The following EYS variants were observed in gnomAD, a reference collection of about 807,000 sequenced individuals.
EYS encodes EGF-like photoreceptor maintenance factor.
Under a neutral mutation model 282.1 loss-of-function variants are expected in EYS, and 250 were observed. The observed-to-expected ratio is 0.89, with a 90% CI of 0.80 to 0.98. The LOEUF is 0.98. EYS is among the 50% of genes least tolerant of loss of function. The probability of loss-of-function intolerance (pLI) is 0.00; values close to 1 mark genes in which losing one functional copy is unlikely to be tolerated. For synonymous variants in EYS, 1,355 were observed against 1,282.9 expected (o/e 1.06, Z -1.20); for missense variants, 4,016 against 3,709.0 (o/e 1.08, Z -2.15).
chr6:63,793,527 G>A (rs56299797), intron 37 of EYS, among the ~76,000 whole-genome samples: 4,704 of 152,294 alleles, frequency 0.031, 99 homozygotes, highest in Middle Eastern at 0.058. Flanking sequence ...ATATAAAAAT[G>A]AATGGTAAAT....
chr6:64,234,774 T>C (rs1766530590), intron 30 of EYS, among the ~76,000 whole-genome samples: 1 of 152,194 alleles, frequency 6.6e-6, no homozygotes, highest in South Asian at 2.1e-4. Flanking sequence ...TTTAGACCTT[T>C]CATATAAATA....
At chr6:65,571,727 GT>G (rs1764483248) in intron 2 of EYS, among the ~76,000 whole-genome samples, 1 of 151,928 alleles carries the variant, frequency 6.6e-6, no homozygotes, top group Admixed American at 6.6e-5. Flanking sequence ...TGATAAAAAT[GT>G]ATAATGCCCA....
At chr6:64,924,613 C>T (rs530440202) in intron 15 of EYS, among the ~76,000 whole-genome samples, 110 of 152,264 alleles carry the variant, frequency 7.2e-4, no homozygotes, top group Middle Eastern at 6.8e-3. Context: ...ATGCCTTTAA[C>T]AGTACCCAAG....
intron 2 of EYS, among the ~76,000 whole-genome samples, chr6:65,502,407 T>G (rs940777095): frequency 2.0e-5 from 3 of 151,702 alleles, no homozygotes; most frequent in Non-Finnish European, 4.4e-5. Flanking sequence ...AAAAATTTAG[T>G]AGAGTTTTAA....
intron 26 of EYS, among the ~76,000 whole-genome samples, chr6:64,455,939 C>T (rs775145734): frequency 9.9e-5 from 15 of 152,048 alleles, no homozygotes; most frequent in Admixed American, 2.0e-4. Context: ...TTAATATTAA[C>T]CCATTATTTT....
At chr6:64,831,013 C>T (rs1765196669) in intron 19 of EYS, among the ~76,000 whole-genome samples, 1 of 152,012 alleles carries the variant, frequency 6.6e-6, no homozygotes, top group Middle Eastern at 3.2e-3. Context: ...ATCCCCACTT[C>T]ATAGTTCCTG....
intron 22 of EYS, among the ~76,000 whole-genome samples, chr6:64,746,317 A>G (rs891046224): frequency 6.6e-6 from 1 of 151,972 alleles, no homozygotes; most frequent in Non-Finnish European, 1.5e-5. Flanking sequence ...GTTCCTTATG[A>G]AAAGAAGAGT....
chr6:63,947,027 C>T (rs1233748594), intron 35 of EYS, among the ~76,000 whole-genome samples: 1 of 151,696 alleles, frequency 6.6e-6, no homozygotes, highest in African/African-American at 2.4e-5. Flanking sequence ...ACCAAATATG[C>T]CTCAAAGGTA....
intron 36 of EYS, among the ~76,000 whole-genome samples, chr6:63,851,518 T>G (rs1232211065): frequency 1.3e-5 from 2 of 152,108 alleles, no homozygotes; most frequent in African/African-American, 4.8e-5. Flanking sequence ...ATTAAGAAAC[T>G]CACTCAGAAC....
chr6:64,044,179 C>G lies in EYS; in HGVS notation c.6725+22159G>C, dbSNP rs150046218. On this transcript the variant is annotated intron_variant, in intron 33 of 42. Coordinates refer to ENST00000503581, the MANE Select transcript of EYS (RefSeq NM_001142800.2). ...CAAAAAATTTACTTCCTTTTTAAAA[C>G]AGTTTATTGGAAAACACATATTTTC... is the stretch of plus-strand genomic sequence containing the variant. 5.8e-3 allele frequency among the ~76,000 whole-genome samples: 885 copies of G among 152,268 alleles called. 12 individuals are homozygous for G. The highest frequency in any genetic ancestry group is 0.02 in the African/African-American group (836 of 41,546).
chr6:65,459,281 AT>A (rs1350761936), intron 5 of EYS, among the ~76,000 whole-genome samples: 1 of 152,016 alleles, frequency 6.6e-6, no homozygotes, highest in Admixed American at 6.6e-5. Flanking sequence ...TTCAATTAAT[AT>A]TTTCACTTAT....
intron 12 of EYS, among the ~76,000 whole-genome samples, chr6:65,176,727 CA>C (rs1362115666): frequency 4.0e-5 from 6 of 151,418 alleles, no homozygotes; most frequent in African/African-American, 2.4e-5. Context: ...AATGTCTATG[CA>C]AAGATTTTAA....
intron 22 of EYS, among the ~76,000 whole-genome samples, chr6:64,665,025 C>A (rs959229146): frequency 9.9e-5 from 15 of 152,070 alleles, no homozygotes; most frequent in African/African-American, 3.4e-4. Context: ...AAAAAAGAGT[C>A]ACATGAAAAG....
At chr6:63,893,665 T>G (rs1773464101) in intron 35 of EYS, among the ~76,000 whole-genome samples, 2 of 152,130 alleles carry the variant, frequency 1.3e-5, no homozygotes, top group South Asian at 4.1e-4. Flanking sequence ...CCATGGCACA[T>G]GTATACCTAT....
intron 22 of EYS, among the ~76,000 whole-genome samples, chr6:64,691,918 G>A (rs571212600): frequency 6.6e-6 from 1 of 152,246 alleles, no homozygotes; most frequent in African/African-American, 2.4e-5. Context: ...CACCTGGATT[G>A]GTTTCACGTT....
intron 12 of EYS, among the ~76,000 whole-genome samples, chr6:65,075,374 T>C (rs918911830): frequency 2.0e-5 from 3 of 152,066 alleles, no homozygotes; most frequent in Non-Finnish European, 4.4e-5. Flanking sequence ...TTAAATATTT[T>C]CTAAAGGATG....
Position 65,219,362 on chromosome 6 carries a change from C to A in EYS, c.2023+76501G>T, listed in dbSNP as rs559269141. 7.4e-4 allele frequency among the ~76,000 whole-genome samples: 112 copies of A among 152,008 alleles called. 1 individual carries two copies. The highest frequency in any genetic ancestry group is 2.6e-3 in the African/African-American group (109 of 41,462). ...TAGAGAAAATTGGTGATTGGTAAAACCATACAGAATAGTTCACAACCTAAA... is the reference window on the plus strand; with the variant it reads ...TAGAGAAAATTGGTGATTGGTAAAAACATACAGAATAGTTCACAACCTAAA... On this transcript the variant is annotated intron_variant, in intron 12 of 42. Coordinates refer to ENST00000503581, the MANE Select transcript of EYS (RefSeq NM_001142800.2).
At chr6:63,793,590 T>C (rs762627500) in intron 37 of EYS, among the ~76,000 whole-genome samples, 3 of 152,218 alleles carry the variant, frequency 2.0e-5, no homozygotes, top group Non-Finnish European at 2.9e-5. Context: ...ATAAAAGACA[T>C]TATGGTGACT....
chr6:65,210,821 CAA>C (rs1491269603), intron 12 of EYS, among the ~76,000 whole-genome samples: 2 of 151,642 alleles, frequency 1.3e-5, no homozygotes, highest in African/African-American at 4.8e-5. Flanking sequence ...AAGTTTTAGA[CAA>C]AGTTTTAAAA....
Sources: gnomAD v4.1 joint callset for allele counts (sites outside exome capture counted in the v4.1 genomes callset) on GRCh38, gnomAD v4.1.1 for gene constraint, MANE v1.5 for transcripts, NCBI Gene and HGNC (gene_info 2026-07-23, HGNC 2026-07-21) for gene names.